The following DYNC1I1 variants were observed in gnomAD, a reference collection of about 807,000 sequenced individuals.
The protein encoded by DYNC1I1 is cytoplasmic dynein 1 intermediate chain 1.
DYNC1I1 carries 43 observed loss-of-function variants against 86.6 expected under a neutral mutation model. That is an observed-to-expected ratio of 0.50 (90% CI 0.39 to 0.64). The LOEUF is 0.64. Ranked by LOEUF, DYNC1I1 falls within the 30% of genes least tolerant of loss-of-function variation. The probability of loss-of-function intolerance (pLI) is 0.00; values close to 1 mark genes in which losing one functional copy is unlikely to be tolerated. For synonymous variants in DYNC1I1, 262 were observed against 283.7 expected (o/e 0.92, Z 0.77); for missense variants, 604 against 788.8 (o/e 0.77, Z 2.81).
chr7:95,846,625 CTCTGTGTGTGTGTGTGTG>C (rs1303235762), intron 5 of DYNC1I1, among the ~76,000 whole-genome samples: 5 of 132,684 alleles, frequency 3.8e-5, no homozygotes, highest in Non-Finnish European at 6.4e-5. Flanking sequence ...AAATCTCTCT[CTCTGTGTGTGTGTGTGTG>C]TGTGTGTGTG....
At chr7:95,803,372 G>A (rs937406015) in intron 1 of DYNC1I1, among the ~76,000 whole-genome samples, 1 of 152,234 alleles carries the variant, frequency 6.6e-6, no homozygotes, top group South Asian at 2.1e-4. Flanking sequence ...GCCTAGCACA[G>A]ATTAAATACA....
intron 6 of DYNC1I1, among the ~76,000 whole-genome samples, chr7:95,961,078 A>C (rs1451474575): frequency 6.6e-6 from 1 of 152,210 alleles, no homozygotes; most frequent in East Asian, 1.9e-4. Context: ...GAATAAGTAA[A>C]TGAGGTAGTA....
chr7:95,867,576 C>T (rs752585597), intron 5 of DYNC1I1, among the ~76,000 whole-genome samples: 6 of 152,190 alleles, frequency 3.9e-5, no homozygotes, highest in Non-Finnish European at 7.3e-5. Context: ...CCTCCTGTTG[C>T]CCAGCACCTG....
In DYNC1I1 at chr7:95,960,403, G is replaced by T. The variant is rs79704814; in HGVS notation, c.491-17109G>T. On this transcript the variant is annotated intron_variant, in intron 6 of 16. Coordinates refer to ENST00000447467, the MANE Select transcript of DYNC1I1 (RefSeq NM_001135556.2). ...ATTACAGGCTTGAGCCACCACGCCC[G>T]GCCAAATGCTGGAATTTTAAGCAGG... Among the ~76,000 whole-genome samples the T allele has an allele frequency of 6.7e-3, 1,019 of 152,156 alleles. 13 individuals carry two copies. Among genetic ancestry groups the T allele is most frequent in the African/African-American group, 0.023 (944 of 41,502 alleles).
At chr7:95,976,898 G>C (rs1793318188) in intron 6 of DYNC1I1, among the ~76,000 whole-genome samples, 1 of 152,180 alleles carries the variant, frequency 6.6e-6, no homozygotes, top group Non-Finnish European at 1.5e-5. Flanking sequence ...AGCCAACTCA[G>C]TCGACTTGTT....
rs1377409161 is a variant in DYNC1I1 at position 95,804,916 on chromosome 7, AG to A, written c.108+81del. ...TGAGGGGCTGGTCAAATGGATAAAT[AG>A]GACTCCCTAAAAGAATCCTTTTATG... On this transcript the variant is annotated intron_variant, in intron 2 of 16. Transcript: ENST00000447467. The A allele has an allele frequency of 4.7e-6, 7 of 1,495,546 alleles. No individual in the cohort carries two copies. In the Admixed American group the frequency reaches 1.0e-4, roughly 21 times the overall value. 92.6% of individuals were successfully genotyped at this position (1,495,546 alleles called of 1,614,324 possible).
chr7:95,917,855 A>G (rs1401855039), intron 6 of DYNC1I1, among the ~76,000 whole-genome samples: 1 of 152,094 alleles, frequency 6.6e-6, no homozygotes, highest in East Asian at 1.9e-4. Context: ...AGGATGAAAA[A>G]TGTCTTCCAT....
Position 96,097,632 on chromosome 7 carries a change from G to A in DYNC1I1, c.*39G>A. The A allele has an allele frequency of 6.2e-7, 1 of 1,611,474 alleles. No individual in the cohort carries two copies. The highest frequency in any genetic ancestry group is 2.2e-5 in the East Asian group (1 of 44,820). On this transcript the variant is annotated 3_prime_UTR_variant, in exon 17 of 17. Coordinates refer to ENST00000447467, the MANE Select transcript of DYNC1I1 (RefSeq NM_001135556.2). ...CCCCCACTGCAGCCCCCACCTTTGT[G>A]TCCTAGAGCTCAGCGTCTGCAGTCA...
At chr7:95,946,357 C>A (rs1363375594) in intron 6 of DYNC1I1, among the ~76,000 whole-genome samples, 1 of 152,018 alleles carries the variant, frequency 6.6e-6, no homozygotes, top group Non-Finnish European at 1.5e-5. Flanking sequence ...AAAAGATGTT[C>A]TTTCTACCTA....
In DYNC1I1 at chr7:95,813,304, G is replaced by A; in HGVS notation, c.281G>A (p.Ser94Asn). The change falls in exon 4 of 17, where the codon AGC becomes AAC. Residue 94 changes from serine to asparagine, a missense_variant. Ser to Asn is a conservative substitution (Grantham distance 46, BLOSUM62 1). Coordinates refer to ENST00000447467, the MANE Select transcript of DYNC1I1 (RefSeq NM_001135556.2). ...GTGAGCACTCCCAGTGAAGCTGGAA[G>A]CCAAGACTCAGGCGATCTGGGGCCA... Reference protein sequence around the residue: ...KSVSTPSEAGSQDSGDLGPLT... With the variant: ...KSVSTPSEAGNQDSGDLGPLT... 1 of 1,611,754 alleles carries A rather than the reference G, an allele frequency of 6.2e-7. No homozygotes were observed. The highest frequency in any genetic ancestry group is 8.5e-7 in the Non-Finnish European group (1 of 1,179,340).
chr7:96,003,771 C>T (rs982150996), intron 10 of DYNC1I1, among the ~76,000 whole-genome samples: 12 of 152,030 alleles, frequency 7.9e-5, no homozygotes, highest in Non-Finnish European at 1.6e-4. Flanking sequence ...CTACCACCCC[C>T]GAGAGGGATA....
intron 7 of DYNC1I1, among the ~76,000 whole-genome samples, chr7:95,983,487 AG>A (rs2115676279): frequency 6.6e-6 from 1 of 152,228 alleles, no homozygotes; most frequent in African/African-American, 2.4e-5. Flanking sequence ...GTGTTTCTCC[AG>A]ACCCCCTGCC....
At chr7:95,936,096 A>G (rs945751662) in intron 6 of DYNC1I1, among the ~76,000 whole-genome samples, 14 of 151,992 alleles carry the variant, frequency 9.2e-5, no homozygotes, top group African/African-American at 3.1e-4. Context: ...CTCTCATCCA[A>G]CTGCTAAATA....
At chr7:96,080,540 A>G in intron 16 of DYNC1I1, 52 bp downstream of exon 16, 3 of 1,613,988 alleles carry the variant, frequency 1.9e-6, no homozygotes, top group Non-Finnish European at 2.5e-6. Context: ...TATCTACTTT[A>G]GAAACCTAGT....
intron 14 of DYNC1I1, among the ~76,000 whole-genome samples, chr7:96,048,536 A>G (rs1789290204): frequency 6.6e-6 from 1 of 152,184 alleles, no homozygotes. Flanking sequence ...GGAGCCAACA[A>G]TCTGTGTTTT....
rs776347302 is a variant in DYNC1I1 at position 96,028,274 on chromosome 7, C to T, written c.1069C>T (p.Arg357Ter). 3 of 1,613,718 alleles carry T rather than the reference C, an allele frequency of 1.9e-6. No homozygotes were observed. The highest frequency in any genetic ancestry group is 2.5e-6 in the Non-Finnish European group (3 of 1,179,768). The change falls in exon 11 of 17, where the codon CGA becomes TGA. Residue 357 changes from arginine (R) to a stop codon, truncating the protein, a stop_gained. Coordinates refer to ENST00000447467, the MANE Select transcript of DYNC1I1 (RefSeq NM_001135556.2). LOFTEE classifies it high-confidence loss of function. ...QIVLWDNRSHRRTPVQRTPLS... is the reference protein window; with the variant it reads ...QIVLWDNRSH ...TGTCCTCTGGGACAATCGCAGTCAT[C>T]GAAGGACTCCAGTGCAGCGGACACC...
chr7:95,874,480 A>C (rs1389897052), intron 6 of DYNC1I1, among the ~76,000 whole-genome samples: 1 of 152,242 alleles, frequency 6.6e-6, no homozygotes, highest in East Asian at 1.9e-4. Context: ...AATAAAAAGT[A>C]AATTAGGTAG....
In DYNC1I1 at chr7:96,097,941, A is replaced by C; in HGVS notation, c.*348A>C. 9.8e-7 allele frequency: 1 copy of C among 1,019,260 alleles called. No individual in the cohort carries two copies. Among genetic ancestry groups the C allele is most frequent in the Non-Finnish European group, 1.2e-6 (1 of 849,908 alleles). The allele number at this position is 1,019,260 out of a possible 1,614,324, so 63.1% of individuals were successfully genotyped here. A position where few individuals can be genotyped will look rare whatever the true frequency, so the allele number is the denominator to read the frequency against. ...TGCACTCCTGGCATAGTCCTATTAA[A>C]TCCATATGAAGCCAGATATGATTGG... On this transcript the variant is annotated 3_prime_UTR_variant, in exon 17 of 17. Coordinates refer to ENST00000447467, the MANE Select transcript of DYNC1I1 (RefSeq NM_001135556.2).
intron 14 of DYNC1I1, among the ~76,000 whole-genome samples, chr7:96,063,107 ATGTG>A (rs983610560): frequency 3.9e-4 from 50 of 129,170 alleles, no homozygotes; most frequent in Middle Eastern, 4.0e-3. Context: ...GTGTATATAT[ATGTG>A]TGTGTGTGTG....
Sources: allele counts gnomAD v4.1 joint callset (sites outside exome capture counted in the v4.1 genomes callset), GRCh38; gene constraint gnomAD v4.1.1; transcripts MANE v1.5; gene names NCBI Gene and HGNC (gene_info 2026-07-23, HGNC 2026-07-21).